MALRD1: variants seen among roughly 807,000 people sequenced by gnomAD.
The protein encoded by MALRD1 is MAM and LDL-receptor class A domain-containing protein 1.
MALRD1 carries 247 observed loss-of-function variants against 242.1 expected under a neutral mutation model. The ratio of observed to expected loss-of-function variants is 1.02; its 90% confidence interval spans 0.92 to 1.13. MALRD1 has a LOEUF of 1.13. MALRD1 is among the 50% of genes most tolerant of loss of function. MALRD1 has a pLI of 0.00. For missense variants in MALRD1, 2,989 were observed against 2,533.1 expected (o/e 1.18, Z -3.86); for synonymous variants, 995 against 866.6 (o/e 1.15, Z -2.60).
chr10:19,586,459 C>T (rs1285240713), intron 33 of MALRD1, among the ~76,000 whole-genome samples: 2 of 152,098 alleles, frequency 1.3e-5, no homozygotes, highest in South Asian at 2.1e-4. Flanking sequence ...GGACCCTCAG[C>T]TGCAGGTCTG....
At chr10:19,226,571 A>G (rs886096179) in intron 18 of MALRD1, among the ~76,000 whole-genome samples, 1 of 152,134 alleles carries the variant, frequency 6.6e-6, no homozygotes, top group African/African-American at 2.4e-5. Context: ...TGGAATTCCC[A>G]TGAAACCTTA....
chr10:19,201,796 C>T (rs924405994), intron 14 of MALRD1, among the ~76,000 whole-genome samples: 3 of 151,890 alleles, frequency 2.0e-5, no homozygotes, highest in South Asian at 2.1e-4. Context: ...TTTGCTTTAC[C>T]GAAGATTTCT....
intron 19 of MALRD1, among the ~76,000 whole-genome samples, chr10:19,273,444 A>G (rs1588829725): frequency 6.6e-6 from 1 of 152,252 alleles, no homozygotes; most frequent in African/African-American, 2.4e-5. Context: ...ATAGGTGTTT[A>G]TAGCAGCTTT....
chr10:19,098,544 G>A (rs1277378921), intron 4 of MALRD1, among the ~76,000 whole-genome samples: 1 of 152,102 alleles, frequency 6.6e-6, no homozygotes, highest in Non-Finnish European at 1.5e-5. Flanking sequence ...AACATATGAT[G>A]AGGAAATAAT....
At chr10:19,223,914 T>C (rs1417401716) in intron 18 of MALRD1, among the ~76,000 whole-genome samples, 1 of 152,230 alleles carries the variant, frequency 6.6e-6, no homozygotes, top group Non-Finnish European at 1.5e-5. Context: ...TTCCACGGTG[T>C]ATATGTGCCA....
At chr10:19,512,168 C>A (rs1833431298) in intron 31 of MALRD1, among the ~76,000 whole-genome samples, 2 of 152,056 alleles carry the variant, frequency 1.3e-5, no homozygotes, top group South Asian at 2.1e-4. Flanking sequence ...TGCCCTAGAT[C>A]ATGAAAAATG....
intron 2 of MALRD1, among the ~76,000 whole-genome samples, chr10:19,068,166 T>C (rs1387804767): frequency 6.6e-6 from 1 of 152,202 alleles, no homozygotes; most frequent in East Asian, 1.9e-4. Context: ...TTACAGCACA[T>C]ATTTATTTAC....
At chr10:19,249,095 G>A (rs1839192729) in intron 18 of MALRD1, among the ~76,000 whole-genome samples, 1 of 150,048 alleles carries the variant, frequency 6.7e-6, no homozygotes, top group African/African-American at 2.4e-5. Flanking sequence ...ACACATATAT[G>A]TGTGTATGTG....
At chr10:19,519,399 TTAATATTAC>T (rs1833781278) in intron 31 of MALRD1, among the ~76,000 whole-genome samples, 1 of 152,188 alleles carries the variant, frequency 6.6e-6, no homozygotes, top group Non-Finnish European at 1.5e-5. Flanking sequence ...TGAACAGTTA[TTAATATTAC>T]TAATATTTCA....
chr10:19,199,247 C>T (rs545790958), intron 14 of MALRD1, among the ~76,000 whole-genome samples: 1 of 152,298 alleles, frequency 6.6e-6, no homozygotes, highest in East Asian at 1.9e-4. Context: ...TGGTGTAACA[C>T]CTATTTCCGG....
At chr10:19,586,513 TG>T (rs1429373928) in intron 33 of MALRD1, among the ~76,000 whole-genome samples, 1 of 152,132 alleles carries the variant, frequency 6.6e-6, no homozygotes, top group Non-Finnish European at 1.5e-5. Flanking sequence ...CCCTTGCTGG[TG>T]GGTCCCTCCC....
intron 33 of MALRD1, among the ~76,000 whole-genome samples, chr10:19,587,270 G>A (rs769794082): frequency 4.5e-4 from 69 of 152,254 alleles, no homozygotes; most frequent in Non-Finnish European, 7.1e-4. Context: ...TAATCTTTTT[G>A]AATGCTGTTA....
chr10:19,445,172 C>T (rs972769459), intron 28 of MALRD1, among the ~76,000 whole-genome samples: 3 of 152,062 alleles, frequency 2.0e-5, no homozygotes, highest in Non-Finnish European at 4.4e-5. Context: ...CATTTAAGGT[C>T]TTATTTATGC....
intron 36 of MALRD1, among the ~76,000 whole-genome samples, chr10:19,679,779 G>A (rs530009954): frequency 4.4e-4 from 67 of 152,032 alleles, no homozygotes; most frequent in Admixed American, 9.8e-4. Context: ...GCTTTTCGAT[G>A]TGGGGATTTA....
At chr10:19,270,288 C>G (rs1188647278) in intron 19 of MALRD1, among the ~76,000 whole-genome samples, 2 of 151,178 alleles carry the variant, frequency 1.3e-5, no homozygotes, top group Non-Finnish European at 1.5e-5. Context: ...GCACTCCAGC[C>G]TGGGCCACAG....
chr10:19,063,883 T>C (rs1382164617), intron 1 of MALRD1, among the ~76,000 whole-genome samples: 3 of 152,092 alleles, frequency 2.0e-5, no homozygotes, highest in Admixed American at 6.6e-5. Flanking sequence ...GCATGGCACA[T>C]GTATACATAT....
chr10:19,246,923 G>A (rs10437418), intron 18 of MALRD1, among the ~76,000 whole-genome samples: 67,070 of 151,844 alleles, frequency 0.44, 15,474 homozygotes, highest in Admixed American at 0.59. Flanking sequence ...TAATATGAAT[G>A]TGTGGCTCTA....
intron 18 of MALRD1, among the ~76,000 whole-genome samples, chr10:19,247,536 C>T (rs1839114742): frequency 6.6e-6 from 1 of 151,486 alleles, no homozygotes; most frequent in Admixed American, 6.6e-5. Context: ...GAACTAAATT[C>T]CCCCACCCCC....
chr10:19,543,472 CTG>C (rs1439190008), intron 32 of MALRD1, among the ~76,000 whole-genome samples: 1 of 115,842 alleles, frequency 8.6e-6, no homozygotes, highest in Non-Finnish European at 1.7e-5. Flanking sequence ...TGGGGTCTCA[CTG>C]TGTTTCCTAG....
Sources: allele counts gnomAD v4.1 joint callset (sites outside exome capture counted in the v4.1 genomes callset), GRCh38; gene constraint gnomAD v4.1.1; transcripts MANE v1.5; gene names NCBI Gene and HGNC (gene_info 2026-07-23, HGNC 2026-07-21).